Variants in SEC22B observed in about 807,000 individuals in gnomAD.
The protein encoded by SEC22B is vesicle-trafficking protein SEC22b.
A neutral mutation model predicts 31.4 loss-of-function variants in SEC22B; 10 were observed. The observed-to-expected ratio is 0.32, with a 90% confidence interval of 0.20 to 0.54. The LOEUF (loss-of-function observed/expected upper bound fraction) is 0.54. Ranked by LOEUF, SEC22B falls within the 20% of genes least tolerant of loss-of-function variation. SEC22B has a pLI of 0.94. For synonymous variants in SEC22B, 60 were observed against 95.9 expected (o/e 0.63, Z 2.19); for missense variants, 130 against 263.4 (o/e 0.49, Z 3.50).
chr1:120,159,749 G>C (rs1174484059), intron 4 of SEC22B, among the ~76,000 whole-genome samples: 1 of 152,114 alleles, frequency 6.6e-6, no homozygotes, highest in African/African-American at 2.4e-5. Flanking sequence ...AGGTCTTACA[G>C]AACAGGTCCA....
chr1:120,151,408 C>G lies in SEC22B; in HGVS notation c.*5630G>C, dbSNP rs139081608. 1 of 152,212 alleles carries G rather than the reference C, an allele frequency of 6.6e-6. No homozygotes were observed. The highest frequency in any genetic ancestry group is 2.4e-5 in the African/African-American group (1 of 41,440). The allele number at this position is 152,212 out of a possible 1,614,324, so 9.4% of individuals were successfully genotyped here. Reference sequence around the variant, plus strand: ...ACACACACAAAAATTATTGGCCGGGCGCAGTGGCCCATGCCTGTAATCCCA... The same window carrying G: ...ACACACACAAAAATTATTGGCCGGGGGCAGTGGCCCATGCCTGTAATCCCA... On this transcript the variant is annotated 3_prime_UTR_variant, in exon 5 of 5. Transcript: ENST00000578049.
chr1:120,160,358 T>C lies in SEC22B; in HGVS notation c.493+26A>G, dbSNP rs2101127551. 7 of 1,578,036 alleles carry C rather than the reference T, an allele frequency of 4.4e-6. No homozygotes were observed. In the East Asian group the frequency reaches 1.6e-4, roughly 35 times the overall value. ...TGTCTATGGAATGAGAACCATTTCT[T>C]CATAAGACTCATTGCTTTTAGATAC... On this transcript the variant is annotated intron_variant, in intron 4 of 4. Transcript: ENST00000578049.
intron 3 of SEC22B, among the ~76,000 whole-genome samples, chr1:120,162,662 A>G (rs1271984955): frequency 6.6e-6 from 1 of 152,248 alleles, no homozygotes; most frequent in East Asian, 1.9e-4. Flanking sequence ...TTGCACAAAT[A>G]CAGACACCTA....
At chr1:120,173,090 C>T (rs1283129141) in intron 1 of SEC22B, among the ~76,000 whole-genome samples, 1 of 140,998 alleles carries the variant, frequency 7.1e-6, no homozygotes, top group Non-Finnish European at 1.5e-5. Context: ...CAAAGACCAG[C>T]AGCACCAAGA....
At chr1:120,160,630 C>G in intron 3 of SEC22B, 100 bp from the exon 4 acceptor site, 1 of 976,288 alleles carries the variant, frequency 1.0e-6, no homozygotes, top group African/African-American at 1.7e-5. Flanking sequence ...TGGCTCACAC[C>G]TGTAATCCCA....
rs1553228968 is a variant in SEC22B at position 120,153,294 on chromosome 1, G to A, written c.*3744C>T. 1 of 149,758 alleles carries A rather than the reference G, an allele frequency of 6.7e-6. No homozygotes were observed. The highest frequency in any genetic ancestry group is 2.5e-5 in the African/African-American group (1 of 39,498). The allele number at this position is 149,758 out of a possible 1,614,324, so 9.3% of individuals were successfully genotyped here. On this transcript the variant is annotated 3_prime_UTR_variant, in exon 5 of 5. Coordinates refer to ENST00000578049, the MANE Select transcript of SEC22B (RefSeq NM_004892.6). ...CAAAAGAAAAACCCACCAGGTAGGA[G>A]TCAGTTAGTTCTGCTAACTAACTAA...
chr1:120,175,827 T>C (rs1657951157), intron 1 of SEC22B, among the ~76,000 whole-genome samples: 1 of 152,174 alleles, frequency 6.6e-6, no homozygotes, highest in South Asian at 2.1e-4. Flanking sequence ...GAATGTGATG[T>C]ACTGAAATTT....
At chr1:120,157,727 C>A (rs1388238841) in intron 4 of SEC22B, 1 of 147,802 alleles carries the variant, frequency 6.8e-6, no homozygotes. Flanking sequence ...CCAGAAAATT[C>A]AATTAACCAA....
intron 4 of SEC22B, chr1:120,157,430 G>C (rs1657644995): frequency 3.2e-6 from 1 of 314,154 alleles, no homozygotes; most frequent in African/African-American, 2.1e-5. Context: ...CAGACTCTTT[G>C]GTTCAGATAT....
chr1:120,175,575 T>G (rs1227871738), intron 1 of SEC22B, among the ~76,000 whole-genome samples: 37,492 of 146,430 alleles, frequency 0.26, 7,752 homozygotes, highest in African/African-American at 0.58. Flanking sequence ...ACACAAAACA[T>G]CTTTCTTTTA....
chr1:120,166,396 T>TACACACACACACACACAC (rs1268229455), intron 2 of SEC22B, among the ~76,000 whole-genome samples: 3 of 143,566 alleles, frequency 2.1e-5, no homozygotes, highest in South Asian at 2.3e-4. Flanking sequence ...AAGTGTTTTT[T>TACACACACACACACACAC]ACACACACAC....
chr1:120,160,427 C>G lies in SEC22B; in HGVS notation c.450G>C (p.Val150=). The stretch of plus-strand genomic sequence containing the variant: ...GTTGTAACACTTCTTCAATATTGGC[C>G]ACCATGATCCTCTGCACATCTTGCA... ...TELQDVQRIM[V]ANIEEVLQRG... The change falls in exon 4 of 5, where the codon GTG becomes GTC. Residue 150 remains valine (V), a synonymous_variant. Coordinates refer to ENST00000578049, the MANE Select transcript of SEC22B (RefSeq NM_004892.6). The G allele has an allele frequency of 1.9e-6, 3 of 1,612,896 alleles. No individual in the cohort carries two copies. Among genetic ancestry groups the G allele is most frequent in the East Asian group, 2.2e-5 (1 of 44,858 alleles).
intron 1 of SEC22B, among the ~76,000 whole-genome samples, chr1:120,175,828 A>T (rs1182771530): frequency 6.6e-6 from 1 of 152,156 alleles, no homozygotes; most frequent in African/African-American, 2.4e-5. Flanking sequence ...AATGTGATGT[A>T]CTGAAATTTA....
intron 1 of SEC22B, among the ~76,000 whole-genome samples, chr1:120,170,685 CTGTA>C (rs1399580378): frequency 1.4e-5 from 2 of 145,350 alleles, no homozygotes; most frequent in Admixed American, 6.7e-5. Context: ...ATATGTATGT[CTGTA>C]TGTATGTACA....
intron 1 of SEC22B, among the ~76,000 whole-genome samples, chr1:120,174,296 G>T (rs1341791704): frequency 7.9e-5 from 12 of 152,398 alleles, no homozygotes; most frequent in African/African-American, 2.9e-4. Context: ...ACAGTGTTTG[G>T]TATGTAGTAG....
chr1:120,176,191 G>A, intron 1 of SEC22B, 116 bp downstream of exon 1: 2 of 864,252 alleles, frequency 2.3e-6, no homozygotes, highest in Non-Finnish European at 3.7e-6. Flanking sequence ...ACTTCAGAGA[G>A]GTCGGGAGTG....
chr1:120,164,585 G>A (rs1329747980), intron 2 of SEC22B, among the ~76,000 whole-genome samples: 3 of 152,328 alleles, frequency 2.0e-5, no homozygotes, highest in South Asian at 4.1e-4. Context: ...CCATGTTGCT[G>A]CAAAGGACAT....
At chr1:120,165,252 A>T (rs1243134266) in intron 2 of SEC22B, among the ~76,000 whole-genome samples, 1 of 152,064 alleles carries the variant, frequency 6.6e-6, no homozygotes, top group Non-Finnish European at 1.5e-5. Context: ...TGTGGATAGA[A>T]ATGTAAGGTT....
rs1362610812 is a variant in SEC22B, at chr1:120,151,510, AC to A, written c.*5527del. On this transcript the variant is annotated 3_prime_UTR_variant, in exon 5 of 5. Coordinates refer to ENST00000578049, the MANE Select transcript of SEC22B (RefSeq NM_004892.6). ...GTGAAACTCCATCTCTACTAAAAAT[AC>A]AAAAATTAGCCAGGAGCTGTGGCAG... The A allele has an allele frequency of 9.2e-5, 14 of 152,200 alleles. No individual in the cohort carries two copies. The highest frequency in any genetic ancestry group is 3.4e-4 in the African/African-American group (14 of 41,416). The allele number at this position is 152,200 out of a possible 1,614,324, so 9.4% of individuals were successfully genotyped here.
Sources: gnomAD v4.1 joint callset for allele counts (sites outside exome capture counted in the v4.1 genomes callset) on GRCh38, gnomAD v4.1.1 for gene constraint, MANE v1.5 for transcripts, NCBI Gene and HGNC (gene_info 2026-07-23, HGNC 2026-07-21) for gene names.